Variants in UGT1A6 observed in about 807,000 individuals in gnomAD.
UGT1A6 encodes the protein UDP glucuronosyltransferase family 1 member A6.
Under a neutral mutation model 44.4 loss-of-function variants are expected in UGT1A6, and 32 were observed. That is an observed-to-expected ratio of 0.72 (90% CI 0.54 to 0.97). The LOEUF (loss-of-function observed/expected upper bound fraction) is 0.97, where lower values mean the gene tolerates loss of function less well. Among genes scored for constraint, UGT1A6 ranks in the 50% least tolerant of loss-of-function variants. The pLI, the probability that UGT1A6 is intolerant of heterozygous loss-of-function variation, is 0.00. For missense variants in UGT1A6, 685 were observed against 661.9 expected, an observed-to-expected ratio of 1.03 and a Z score of -0.38; for synonymous variants, 238 against 248.5, an observed-to-expected ratio of 0.96 and a Z score of 0.40.
chr2:233,731,825 G>C (rs994519436), intron 1 of UGT1A6, among the ~76,000 whole-genome samples: 58 of 152,108 alleles, frequency 3.8e-4, no homozygotes, highest in African/African-American at 1.4e-3. Flanking sequence ...GTGTCAAATG[G>C]TATTTCTAGT....
intron 1 of UGT1A6, among the ~76,000 whole-genome samples, chr2:233,746,948 G>A (rs1241927959): frequency 6.6e-6 from 1 of 151,802 alleles, no homozygotes; most frequent in Non-Finnish European, 1.5e-5. Context: ...TGAGAAACAA[G>A]AGCTTGAACT....
chr2:233,724,232 C>T (rs1575550946), intron 1 of UGT1A6, among the ~76,000 whole-genome samples: 6 of 120,552 alleles, frequency 5.0e-5, no homozygotes, highest in South Asian at 3.2e-4. Flanking sequence ...CCAGTAGGGG[C>T]GGCCGGGCAG....
intron 1 of UGT1A6, among the ~76,000 whole-genome samples, chr2:233,745,523 G>A (rs530279744): frequency 2.0e-5 from 3 of 151,672 alleles, no homozygotes; most frequent in African/African-American, 2.4e-5. Context: ...GGTCTAATGG[G>A]GATGTGTTAT....
intron 1 of UGT1A6, among the ~76,000 whole-genome samples, chr2:233,757,535 A>AATATATATACATATATAT (rs376887521): frequency 1.2e-3 from 108 of 88,048 alleles, no homozygotes; most frequent in Non-Finnish European, 1.7e-3. Context: ...GCCTGTAAGG[A>AATATATATACATATATAT]ATATATATAT....
chr2:233,766,395 C>T (rs1305688036), intron 1 of UGT1A6, among the ~76,000 whole-genome samples: 1 of 152,176 alleles, frequency 6.6e-6, no homozygotes, highest in African/African-American at 2.4e-5. Flanking sequence ...GCTGTCCTTG[C>T]GTCCCTCCGC....
rs146432524 is a variant in UGT1A6, at chr2:233,729,522, A to G, written c.861+35657A>G. On this transcript the variant is annotated intron_variant, in intron 1 of 4. Coordinates refer to ENST00000305139, the MANE Select transcript of UGT1A6 (RefSeq NM_001072.4). ...ATCATAGGTCTTGTGTGGAGCTACT[A>G]CATAATGAGGCCCTGATCAGGCACC... 1,184 of 1,614,192 alleles carry G rather than the reference A, an allele frequency of 7.3e-4. 2 individuals carry two copies. Among genetic ancestry groups the G allele is most frequent in the Non-Finnish European group, 9.8e-4 (1,156 of 1,180,024 alleles).
At chr2:233,719,789 A>T in intron 1 of UGT1A6, 1 of 1,609,250 alleles carries the variant, frequency 6.2e-7, no homozygotes, top group South Asian at 1.1e-5. Context: ...CTTTCCAAAG[A>T]TTTTATTTTG....
In UGT1A6 at chr2:233,749,724, G is replaced by A. The variant is rs575391114; in HGVS notation, c.862-17310G>A. Among the ~76,000 whole-genome samples the A allele has an allele frequency of 6.1e-4, 93 of 151,922 alleles. 2 individuals are homozygous for A. The highest frequency in any genetic ancestry group is 1.9e-3 in the African/African-American group (77 of 41,238). On this transcript the variant is annotated intron_variant, in intron 1 of 4. Coordinates refer to ENST00000305139, the MANE Select transcript of UGT1A6 (RefSeq NM_001072.4). ...GTGATTGGATCATGGGGGCAGTTTC[G>A]CACCTGCTGGTCTCATCATAGTGAG...
intron 1 of UGT1A6, among the ~76,000 whole-genome samples, chr2:233,717,384 C>G (rs1271366561): frequency 6.6e-6 from 1 of 152,240 alleles, no homozygotes; most frequent in Non-Finnish European, 1.5e-5. Flanking sequence ...CAGACCTGCC[C>G]TCTCTGTGCC....
intron 1 of UGT1A6, among the ~76,000 whole-genome samples, chr2:233,724,126 A>ACCTC: frequency 1.1e-5 from 1 of 94,706 alleles, no homozygotes. Flanking sequence ...GGCGCCCCTC[A>ACCTC]CCTCCCGGAC....
rs905208353 is a variant in UGT1A6 at position 233,747,345 on chromosome 2, C to T, written c.862-19689C>T. On this transcript the variant is annotated intron_variant, in intron 1 of 4. Coordinates refer to ENST00000305139, the MANE Select transcript of UGT1A6 (RefSeq NM_001072.4). ...TTGATGGCAGCCACTGGCTCGCATG[C>T]GGGAGGCCGTGCGGGAGCTCCATGC... is the stretch of plus-strand genomic sequence containing the variant. 3.8e-5 allele frequency: 61 copies of T among 1,602,546 alleles called. No individual in the cohort carries two copies. In the East Asian group the frequency reaches 5.4e-4, roughly 14 times the overall value.
At chr2:233,726,090 G>A (rs962783366) in intron 1 of UGT1A6, among the ~76,000 whole-genome samples, 6 of 152,132 alleles carry the variant, frequency 3.9e-5, no homozygotes, top group African/African-American at 1.4e-4. Context: ...TACTTGATCC[G>A]AGGAGGTGGA....
In UGT1A6 at chr2:233,769,534, G is replaced by C. The variant is rs752305202; in HGVS notation, c.1301+1095G>C. ...CTCCCATGGTTACCTCCTTTAGAAA[G>C]AAGCAGCAGTCAGGAAGACAGATGT... is the stretch of plus-strand genomic sequence containing the variant. On this transcript the variant is annotated intron_variant, in intron 4 of 4. Transcript: ENST00000305139. The surrounding 1 kb of genome is among the most constrained non-coding windows in gnomAD (Gnocchi z 4.4). 6.2e-7 allele frequency: 1 copy of C among 1,612,926 alleles called. No individual in the cohort carries two copies. Among genetic ancestry groups the C allele is most frequent in the South Asian group, 1.1e-5 (1 of 91,080 alleles).
In UGT1A6 at chr2:233,769,378, G is replaced by A. The variant is rs986725274; in HGVS notation, c.1301+939G>A. Reference sequence around the variant, plus strand: ...TGGTGGCCAGTGGTAGATTTCATCCGACAATAGATACTGTGTGCATATGTG... The same window carrying A: ...TGGTGGCCAGTGGTAGATTTCATCCAACAATAGATACTGTGTGCATATGTG... On this transcript the variant is annotated intron_variant, in intron 4 of 4. Coordinates refer to ENST00000305139, the MANE Select transcript of UGT1A6 (RefSeq NM_001072.4). This position sits in a 1 kb window ranked among gnomAD's most constrained non-coding sequence, Gnocchi z 4.4. Among the ~76,000 whole-genome samples, 7 of 152,200 alleles carry A rather than the reference G, an allele frequency of 4.6e-5. No individual in the cohort carries two copies. Among genetic ancestry groups the A allele is most frequent in the African/African-American group, 7.2e-5 (3 of 41,448 alleles).
intron 1 of UGT1A6, among the ~76,000 whole-genome samples, chr2:233,695,158 A>G (rs2075269313): frequency 1.5e-5 from 2 of 134,270 alleles, no homozygotes; most frequent in African/African-American, 2.8e-5. Context: ...ACAGAGTCTC[A>G]CTCTGTCATC....
rs201446096 is a variant in UGT1A6, at chr2:233,743,635, G to A, written c.862-23399G>A. On this transcript the variant is annotated intron_variant, in intron 1 of 4. Transcript: ENST00000305139. ...ACTCCCTGAAGACGTCGGCTGGGTC[G>A]CGGAAGCTGAAGACGTACTCGAAGG... 1.1e-3 allele frequency: 1,545 copies of A among 1,367,290 alleles called. 32 individuals are homozygous for A. In the South Asian group the frequency reaches 0.016, roughly 14 times the overall value. 84.7% of individuals were successfully genotyped at this position (1,367,290 alleles called of 1,614,324 possible).
chr2:233,724,145 T>C (rs1184615097), intron 1 of UGT1A6, among the ~76,000 whole-genome samples: 8 of 114,770 alleles, frequency 7.0e-5, no homozygotes, highest in African/African-American at 2.9e-4. Flanking sequence ...ACGGGGCGGC[T>C]GGCCGGGTGG....
rs188496889 is a variant in UGT1A6, at chr2:233,733,647, G to A, written c.862-33387G>A. Among the ~76,000 whole-genome samples, 3 of 152,328 alleles carry A rather than the reference G, an allele frequency of 2.0e-5. No individual in the cohort carries two copies. The East Asian group carries it at 5.8e-4, about 29-fold the overall frequency. ...ATGTTGAACCAGCCTTGCATCCCAA[G>A]GATGAAGCCGACTTGATCGATGTGG... On this transcript the variant is annotated intron_variant, in intron 1 of 4. Coordinates refer to ENST00000305139, the MANE Select transcript of UGT1A6 (RefSeq NM_001072.4).
chr2:233,753,876 C>A (rs1268305886), intron 1 of UGT1A6, among the ~76,000 whole-genome samples: 2 of 152,192 alleles, frequency 1.3e-5, no homozygotes, highest in Non-Finnish European at 1.5e-5. Context: ...AAGGTCTGTC[C>A]TCAGCCTTCA....
Sources: gnomAD v4.1 joint callset for allele counts (sites outside exome capture counted in the v4.1 genomes callset) on GRCh38, gnomAD v4.1.1 for gene constraint, Gnocchi (gnomAD v3.1) non-coding constraint, MANE v1.5 for transcripts, NCBI Gene and HGNC (gene_info 2026-07-23, HGNC 2026-07-21) for gene names.